The following RFC3 variants were observed in gnomAD, a reference collection of about 807,000 sequenced individuals.
RFC3 encodes the protein replication factor C subunit 3, also known as A1 38 kDa subunit.
In RFC3, 41 loss-of-function variants were observed where a neutral mutation model predicts 45.1. The ratio of observed to expected loss-of-function variants is 0.91; its 90% confidence interval spans 0.71 to 1.18. RFC3 has a LOEUF of 1.18. RFC3 is among the 50% of genes most tolerant of loss of function. The pLI, the probability that RFC3 is intolerant of heterozygous loss-of-function variation, is 0.00. For synonymous variants in RFC3, 149 were observed against 144.0 expected, an observed-to-expected ratio of 1.03 and a Z score of -0.25; for missense variants, 423 against 428.1, an observed-to-expected ratio of 0.99 and a Z score of 0.10.
chr13:33,848,346 C>A (rs2082253475), intron 8 of RFC3: 1 of 152,152 alleles, frequency 6.6e-6, no homozygotes, highest in African/African-American at 2.4e-5. Flanking sequence ...CATGCTCCTT[C>A]CCCCTTTCTA....
At chr13:33,845,589 A>G (rs1430433348) in intron 8 of RFC3, among the ~76,000 whole-genome samples, 1 of 152,148 alleles carries the variant, frequency 6.6e-6, no homozygotes, top group Non-Finnish European at 1.5e-5. Context: ...GGCCAATTGA[A>G]TTTTTCAGCT....
chr13:33,868,200 TTGTTCGGAAAG>T (rs1245104231), intron 8 of RFC3, among the ~76,000 whole-genome samples: 4 of 152,164 alleles, frequency 2.6e-5, no homozygotes, highest in African/African-American at 9.7e-5. Flanking sequence ...ACATCAGCTA[TTGTTCGGAAAG>T]TCAAGCTCCA....
chr13:33,949,779 G>C (rs2082977392), intron 8 of RFC3, among the ~76,000 whole-genome samples: 1 of 152,116 alleles, frequency 6.6e-6, no homozygotes, highest in East Asian at 1.9e-4. Flanking sequence ...TCCCTAATGG[G>C]GTTGAGCCTC....
chr13:33,884,624 C>T (rs2082508033), intron 8 of RFC3, among the ~76,000 whole-genome samples: 1 of 152,188 alleles, frequency 6.6e-6, no homozygotes, highest in Non-Finnish European at 1.5e-5. Flanking sequence ...GTAATTACAT[C>T]CAGAGCCCGC....
chr13:33,909,938 A>G (rs545168091), intron 8 of RFC3, among the ~76,000 whole-genome samples: 4 of 152,254 alleles, frequency 2.6e-5, no homozygotes, highest in African/African-American at 9.6e-5. Context: ...GGGAAGGTCT[A>G]TCATAAAAAG....
chr13:33,861,222 T>C (rs2082338875), intron 8 of RFC3, among the ~76,000 whole-genome samples: 7 of 152,324 alleles, frequency 4.6e-5, no homozygotes, highest in Admixed American at 3.9e-4. Context: ...TTTCAAGATT[T>C]CTTAGAGCAT....
chr13:33,837,108 A>T lies in RFC3; in HGVS notation c.*813A>T. The T allele has an allele frequency of 1.1e-6, 1 of 905,722 alleles. No individual in the cohort carries two copies. Among genetic ancestry groups the T allele is most frequent in the Non-Finnish European group, 1.3e-6 (1 of 757,474 alleles). The allele number at this position is 905,722 out of a possible 1,614,324, so 56.1% of individuals were successfully genotyped here. On this transcript the variant is annotated 3_prime_UTR_variant, in exon 9 of 9. Transcript: ENST00000380071. ...TTTACTACGAAGTATAATTTATAAA[A>T]TAAAATATACCCATTTTAAGGGTAC...
chr13:33,851,839 A>G (rs9805191), intron 8 of RFC3, among the ~76,000 whole-genome samples: 9,537 of 152,248 alleles, frequency 0.063, 618 homozygotes, highest in East Asian at 0.16. Flanking sequence ...AATCTGGTCT[A>G]CAATCTTGTG....
rs567170975 is a variant in RFC3, at chr13:33,927,093, A to T, written c.880-38994A>T. ...TCCCTGACCTCATTCTTGAAATCTCACCCAATCCTTGACCTTCCCTGGCAA... is the reference window on the plus strand; with the variant it reads ...TCCCTGACCTCATTCTTGAAATCTCTCCCAATCCTTGACCTTCCCTGGCAA... On this transcript the variant is annotated intron_variant, in intron 8 of 8. Transcript: ENST00000434425. Among the ~76,000 whole-genome samples, 1,016 of 152,128 alleles carry T rather than the reference A, an allele frequency of 6.7e-3. 10 individuals carry two copies. Among genetic ancestry groups the T allele is most frequent in the African/African-American group, 0.023 (966 of 41,530 alleles).
At chr13:33,933,253 G>A (rs1308737605) in intron 8 of RFC3, among the ~76,000 whole-genome samples, 1 of 152,026 alleles carries the variant, frequency 6.6e-6, no homozygotes, top group Non-Finnish European at 1.5e-5. Flanking sequence ...TAGTATTAGA[G>A]GTCAGAAAAC....
At chr13:33,958,358 C>T (rs566752379) in intron 8 of RFC3, among the ~76,000 whole-genome samples, 36 of 152,256 alleles carry the variant, frequency 2.4e-4, no homozygotes, top group African/African-American at 8.2e-4. Context: ...GACCCATGCC[C>T]CAGGAGCAGT....
At position 33,958,001 on chromosome 13, in the gene RFC3, C is replaced by T. The variant is rs114517581; in HGVS notation, c.880-8086C>T. 4.3e-3 allele frequency among the ~76,000 whole-genome samples: 660 copies of T among 152,062 alleles called. 3 individuals are homozygous for T. The highest frequency in any genetic ancestry group is 0.014 in the African/African-American group (574 of 41,484). ...TATAAATCTTATATCCTAGTAGAGACGAGAGTTTTAAAAAAATCATACTAA... is the reference window on the plus strand; with the variant it reads ...TATAAATCTTATATCCTAGTAGAGATGAGAGTTTTAAAAAAATCATACTAA... On this transcript the variant is annotated intron_variant, in intron 8 of 8. Transcript: ENST00000434425.
intron 4 of RFC3, among the ~76,000 whole-genome samples, chr13:33,827,934 AAT>A (rs1458734982): frequency 4.6e-5 from 7 of 152,106 alleles, no homozygotes; most frequent in Non-Finnish European, 1.0e-4. Flanking sequence ...AGTGATAAAA[AAT>A]ATATGACACT....
intron 4 of RFC3, 89 bp downstream of exon 4, chr13:33,825,975 G>A (rs533065749): frequency 1.5e-5 from 10 of 671,616 alleles, no homozygotes; most frequent in Non-Finnish European, 2.4e-5. Context: ...CAGGAGAGAA[G>A]CCTGATCTCT....
At chr13:33,922,506 T>G (rs1384724412) in intron 8 of RFC3, among the ~76,000 whole-genome samples, 1 of 152,284 alleles carries the variant, frequency 6.6e-6, no homozygotes, top group East Asian at 1.9e-4. Flanking sequence ...ATGTTACAAC[T>G]TTAGATAATT....
chr13:33,894,785 C>A (rs1296009602), intron 8 of RFC3, among the ~76,000 whole-genome samples: 1 of 152,056 alleles, frequency 6.6e-6, no homozygotes, highest in Non-Finnish European at 1.5e-5. Flanking sequence ...ATCAAAACAG[C>A]ATGTTACTGC....
chr13:33,924,240 T>A (rs1417291257), intron 8 of RFC3, among the ~76,000 whole-genome samples: 1 of 152,072 alleles, frequency 6.6e-6, no homozygotes, highest in Non-Finnish European at 1.5e-5. Flanking sequence ...TTTTTTTCAC[T>A]TATTTATTTT....
chr13:33,941,088 C>G (rs559196006), intron 8 of RFC3, among the ~76,000 whole-genome samples: 1 of 152,112 alleles, frequency 6.6e-6, no homozygotes, highest in African/African-American at 2.4e-5. Context: ...GCTGGACATG[C>G]GTACTGAGGG....
chr13:33,899,514 T>G (rs1451595057), intron 8 of RFC3, among the ~76,000 whole-genome samples: 5 of 151,306 alleles, frequency 3.3e-5, no homozygotes, highest in Non-Finnish European at 5.9e-5. Context: ...TCAAACTAGA[T>G]AAAGAAGAAA....
Sources: gnomAD v4.1 joint callset for allele counts (sites outside exome capture counted in the v4.1 genomes callset) on GRCh38, gnomAD v4.1.1 for gene constraint, MANE v1.5 for transcripts, NCBI Gene and HGNC (gene_info 2026-07-23, HGNC 2026-07-21) for gene names.